The following DPYD variants were observed in gnomAD, a reference collection of about 807,000 sequenced individuals.
The protein encoded by DPYD is dihydropyrimidine dehydrogenase.
In DPYD, 109 loss-of-function variants were observed where a neutral mutation model predicts 116.2. The ratio of observed to expected loss-of-function variants is 0.94; its 90% CI spans 0.80 to 1.10. DPYD has a LOEUF of 1.10. Ranked by LOEUF, DPYD falls within the 50% of genes least tolerant of loss-of-function variation. The pLI is 0.00. For synonymous variants in DPYD, 440 were observed against 432.0 expected (o/e 1.02, Z -0.23); for missense variants, 1,302 against 1,254.5 (o/e 1.04, Z -0.57).
At chr1:97,597,976 C>T (rs918954985) in intron 8 of DPYD, among the ~76,000 whole-genome samples, 1 of 151,884 alleles carries the variant, frequency 6.6e-6, no homozygotes, top group Non-Finnish European at 1.5e-5. Context: ...AAAAAAATTA[C>T]AAAATTATGA....
At chr1:97,093,085 A>G (rs888433563) in intron 21 of DPYD, among the ~76,000 whole-genome samples, 2 of 152,138 alleles carry the variant, frequency 1.3e-5, no homozygotes, top group Non-Finnish European at 2.9e-5. Context: ...TGGCCCCTTC[A>G]ATCTAAATTA....
At chr1:97,432,814 C>T (rs916859983) in intron 14 of DPYD, among the ~76,000 whole-genome samples, 4 of 152,068 alleles carry the variant, frequency 2.6e-5, no homozygotes, top group South Asian at 2.1e-4. Context: ...TGGGTTGTGC[C>T]GCTGCTTTAG....
intron 19 of DPYD, 43 bp from the exon 20 acceptor site, chr1:97,193,291 T>A (rs983163241): frequency 3.8e-6 from 6 of 1,581,882 alleles, no homozygotes; most frequent in Non-Finnish European, 5.2e-6. Flanking sequence ...AACCAAGAGA[T>A]AATTCTCCAA....
intron 6 of DPYD, among the ~76,000 whole-genome samples, chr1:97,695,734 G>A (rs1043796950): frequency 2.3e-4 from 35 of 151,902 alleles, no homozygotes; most frequent in African/African-American, 8.5e-4. Context: ...GATTTCAAGT[G>A]GAAGAGTGAT....
intron 2 of DPYD, among the ~76,000 whole-genome samples, chr1:97,857,601 G>A (rs571320483): frequency 3.9e-5 from 6 of 152,236 alleles, no homozygotes; most frequent in South Asian, 2.1e-4. Flanking sequence ...TGGTGTTCCC[G>A]AGGGCATGGA....
intron 18 of DPYD, among the ~76,000 whole-genome samples, chr1:97,281,397 A>G (rs1418140521): frequency 2.6e-5 from 4 of 151,874 alleles, no homozygotes; most frequent in Non-Finnish European, 2.9e-5. Flanking sequence ...AATTTGAAAG[A>G]GAGAAAATAT....
At chr1:97,276,759 G>C (rs1664958658) in intron 18 of DPYD, among the ~76,000 whole-genome samples, 1 of 151,776 alleles carries the variant, frequency 6.6e-6, no homozygotes, top group Non-Finnish European at 1.5e-5. Flanking sequence ...CTGTTGGTGA[G>C]AATGTAAATT....
chr1:97,522,227 C>T (rs575727538), intron 12 of DPYD, among the ~76,000 whole-genome samples: 1 of 151,998 alleles, frequency 6.6e-6, no homozygotes, highest in Admixed American at 6.6e-5. Flanking sequence ...AACAAACAAC[C>T]CCATCAAAAA....
rs111621145 is a variant in DPYD, at chr1:97,355,580, T to G, written c.2058+17981A>C. On this transcript the variant is annotated intron_variant, in intron 16 of 22. Coordinates refer to ENST00000370192, the MANE Select transcript of DPYD (RefSeq NM_000110.4). Reference sequence around the variant, plus strand: ...TTCTTTGACCATCTTCTCCCTATTCTCCCCACCCCGAGCTTCTGGTAATCA... The same window carrying G: ...TTCTTTGACCATCTTCTCCCTATTCGCCCCACCCCGAGCTTCTGGTAATCA... 2.9e-4 allele frequency among the ~76,000 whole-genome samples: 44 copies of G among 152,286 alleles called. 1 individual carries two copies. The highest frequency in any genetic ancestry group is 1.0e-3 in the African/African-American group (43 of 41,562).
chr1:97,335,413 G>A (rs1461629233), intron 16 of DPYD, among the ~76,000 whole-genome samples: 1 of 151,802 alleles, frequency 6.6e-6, no homozygotes, highest in Non-Finnish European at 1.5e-5. Flanking sequence ...GTTTAAAAGA[G>A]CTTCACAGAT....
intron 14 of DPYD, among the ~76,000 whole-genome samples, chr1:97,438,128 C>T (rs1675568605): frequency 6.6e-6 from 1 of 152,024 alleles, no homozygotes; most frequent in Admixed American, 6.5e-5. Context: ...TATCTCATTA[C>T]TGTAATTTTA....
chr1:97,290,708 C>A, intron 18 of DPYD, among the ~76,000 whole-genome samples: 1 of 151,792 alleles, frequency 6.6e-6, no homozygotes, highest in East Asian at 1.9e-4. Flanking sequence ...AAGACTTAAA[C>A]GTTAGACCTA....
intron 12 of DPYD, among the ~76,000 whole-genome samples, chr1:97,521,314 T>C (rs976337407): frequency 1.3e-5 from 2 of 152,176 alleles, no homozygotes; most frequent in African/African-American, 4.8e-5. Flanking sequence ...CTATTCACAA[T>C]TGCTACAAAG....
At chr1:97,406,415 T>A (rs992996441) in intron 14 of DPYD, among the ~76,000 whole-genome samples, 1 of 150,870 alleles carries the variant, frequency 6.6e-6, no homozygotes, top group Non-Finnish European at 1.5e-5. Flanking sequence ...TATTTATTTT[T>A]ATTATACTTT....
chr1:97,652,464 T>C (rs1418287293), intron 8 of DPYD, among the ~76,000 whole-genome samples: 2 of 152,218 alleles, frequency 1.3e-5, no homozygotes, highest in Non-Finnish European at 1.5e-5. Context: ...CATTAAGGTA[T>C]AGTGCTAATA....
At chr1:97,358,065 G>C (rs1446244420) in intron 16 of DPYD, among the ~76,000 whole-genome samples, 1 of 152,198 alleles carries the variant, frequency 6.6e-6, no homozygotes, top group Non-Finnish European at 1.5e-5. Flanking sequence ...TGCCGTGAGA[G>C]ATGGCACCTG....
rs375322918 is a variant in DPYD, at chr1:97,814,926, G to GAA, written c.233+13187_233+13188insTT. Among the ~76,000 whole-genome samples the GAA allele has an allele frequency of 9.4e-3, 81 of 8,616 alleles. 2 individuals carry two copies. The highest frequency in any genetic ancestry group is 0.021 in the South Asian group (3 of 144). The allele number at this position is 8,616 out of a possible 152,430, so 5.7% of individuals were successfully genotyped here. A position where few individuals can be genotyped will look rare whatever the true frequency, so the allele number is the denominator to read the frequency against. On this transcript the variant is annotated intron_variant, in intron 3 of 22. Transcript: ENST00000370192. The stretch of plus-strand genomic sequence containing the variant: ...CTCAAAAAAAAAAAAAAAAAAGAAA[G>GAA]AGAGAGGAAAGAAAGAAAGAAAGAA...
chr1:97,364,074 AG>A (rs1670898925), intron 16 of DPYD, among the ~76,000 whole-genome samples: 1 of 152,180 alleles, frequency 6.6e-6, no homozygotes, highest in Admixed American at 6.5e-5. Context: ...TACAGATATT[AG>A]AAGAGAAAAG....
In DPYD at chr1:97,206,687, T is replaced by TATATATATAA. The variant is rs539927395; in HGVS notation, c.2443-13440_2443-13439insTTATATATAT. On this transcript the variant is annotated intron_variant, in intron 19 of 22. Transcript: ENST00000370192. ...ATATATATATATATATATATATATA[T>TATATATATAA]AATCTATATGCTTATAATGCATATG... 8.5e-3 allele frequency among the ~76,000 whole-genome samples: 608 copies of TATATATATAA among 71,508 alleles called. 73 individuals carry two copies. The highest frequency in any genetic ancestry group is 0.018 in the South Asian group (25 of 1,414). 46.9% of individuals were successfully genotyped at this position (71,508 alleles called of 152,430 possible). A position where few individuals can be genotyped will look rare whatever the true frequency, so the allele number is the denominator to read the frequency against.
Sources: allele counts gnomAD v4.1 joint callset (sites outside exome capture counted in the v4.1 genomes callset), GRCh38; gene constraint gnomAD v4.1.1; transcripts MANE v1.5; gene names NCBI Gene and HGNC (gene_info 2026-07-23, HGNC 2026-07-21).